Variants in RNF123 observed in about 807,000 individuals in gnomAD.
The protein encoded by RNF123 is ring finger protein 123, also known as E3 ubiquitin-protein ligase RNF123.
Under a neutral mutation model 168.5 loss-of-function variants are expected in RNF123, and 86 were observed. That is an observed-to-expected ratio of 0.51 (90% CI 0.43 to 0.61). The LOEUF is 0.61. Among genes scored for constraint, RNF123 ranks in the 20% least tolerant of loss-of-function variants. RNF123 has a pLI of 0.00. For synonymous variants in RNF123, 666 were observed against 689.1 expected (o/e 0.97, Z 0.52); for missense variants, 1,419 against 1,729.7 (o/e 0.82, Z 3.19).
chr3:49,702,039 C>A (rs528403324), intron 17 of RNF123, 44 bp from the exon 18 acceptor site: 1 of 1,601,604 alleles, frequency 6.2e-7, no homozygotes, highest in Non-Finnish European at 8.5e-7. Flanking sequence ...ACCTGCCCCC[C>A]ATCTCCTGGA....
At chr3:49,712,722 C>G in intron 27 of RNF123, 66 bp downstream of exon 27, 1 of 1,565,836 alleles carries the variant, frequency 6.4e-7, no homozygotes, top group East Asian at 2.2e-5. Context: ...CCTAGGAGCC[C>G]TGGTCTGAGA....
At chr3:49,696,573 G>A (rs113690780) in intron 3 of RNF123, among the ~76,000 whole-genome samples, 4 of 148,866 alleles carry the variant, frequency 2.7e-5, no homozygotes, top group African/African-American at 2.5e-5. Flanking sequence ...TACTGACCTC[G>A]TGATCTGCCC....
intron 21 of RNF123, among the ~76,000 whole-genome samples, chr3:49,704,149 A>G (rs1365190765): frequency 1.3e-5 from 2 of 152,082 alleles, no homozygotes; most frequent in Non-Finnish European, 2.9e-5. Context: ...TTTAGCGGGG[A>G]GCAAGGCCTG....
In RNF123 at chr3:49,697,991, C is replaced by T. The variant is rs765996591; in HGVS notation, c.397+52C>T. 11 of 1,612,910 alleles carry T rather than the reference C, an allele frequency of 6.8e-6. No homozygotes were observed. In the East Asian group the frequency reaches 8.9e-5, roughly 13 times the overall value. Reference sequence around the variant, plus strand: ...GGTAGTGAGGAGAAAGTTTAAGGGCCCAGGCATGAGGCAAGAGGCAGTCTT... The same window carrying T: ...GGTAGTGAGGAGAAAGTTTAAGGGCTCAGGCATGAGGCAAGAGGCAGTCTT... On this transcript the variant is annotated intron_variant, in intron 6 of 38. Coordinates refer to ENST00000327697, the MANE Select transcript of RNF123 (RefSeq NM_022064.5).
At chr3:49,712,135 C>T (rs2080155600) in intron 26 of RNF123, among the ~76,000 whole-genome samples, 1 of 151,730 alleles carries the variant, frequency 6.6e-6, no homozygotes. Flanking sequence ...TGAGGCAAGA[C>T]AATCCCTTGA....
At chr3:49,719,201 C>G in intron 35 of RNF123, 1 of 1,613,302 alleles carries the variant, frequency 6.2e-7, no homozygotes, top group Non-Finnish European at 8.5e-7. Flanking sequence ...AGGTGCAGGG[C>G]GCGCAGCTGG....
At position 49,721,305 on chromosome 3, in the gene RNF123, G is replaced by T; in HGVS notation, c.3945G>T (p.Ter1315TyrextTer13). Residue 1315 changes from the stop codon to tyrosine, a stop_lost, in exon 39 of 39, where the codon TAG becomes TAT. Coordinates refer to ENST00000327697, the MANE Select transcript of RNF123 (RefSeq NM_022064.5). ...CGAGTACTACCTCCTCAGCTGCCTA[G>T]CCCTCACAGCCTGTGCCATCCTGGA... ...ANTSTTSSAA[*>Y] 1 of 1,614,170 alleles carries T rather than the reference G, an allele frequency of 6.2e-7. No individual in the cohort carries two copies. Among genetic ancestry groups the T allele is most frequent in the Non-Finnish European group, 8.5e-7 (1 of 1,180,014 alleles).
At chr3:49,704,378 G>A (rs1457245629) in intron 21 of RNF123, among the ~76,000 whole-genome samples, 1 of 152,174 alleles carries the variant, frequency 6.6e-6, no homozygotes, top group Non-Finnish European at 1.5e-5. Context: ...TTACATCTAT[G>A]TAGAATAAAG....
At chr3:49,700,957 C>T (rs570348215) in intron 15 of RNF123, among the ~76,000 whole-genome samples, 51 of 152,374 alleles carry the variant, frequency 3.3e-4, no homozygotes, top group Non-Finnish European at 5.7e-4. Flanking sequence ...GGAGGGGCCA[C>T]AGGGCCTGCC....
Position 49,698,441 on chromosome 3 carries a change from AG to A in RNF123, c.490del (p.Val164LeufsTer20). The A allele has an allele frequency of 6.2e-7, 1 of 1,613,486 alleles. No individual in the cohort carries two copies. On this transcript the variant is annotated frameshift_variant and splice_region_variant, in exon 8 of 39. Transcript: ENST00000327697. LOFTEE classifies it high-confidence loss of function. ...CTISCRFNQEEGVGDTHNSYA... is the reference protein window; with the variant it reads ...CTISCRFNQEXGVGDTHNSYA... The stretch of plus-strand genomic sequence containing the variant: ...ACCTCATAGGCATTTCCTCCCTAGG[AG>A]GGGGTTGGAGATACACACAACTCCT...
chr3:49,703,369 G>C, intron 20 of RNF123, 58 bp from the exon 21 acceptor site: 1 of 1,404,128 alleles, frequency 7.1e-7, no homozygotes, highest in African/African-American at 1.4e-5. Context: ...GGAGGGCTGT[G>C]GGGAGGGTCT....
Position 49,700,528 on chromosome 3 carries a change from C to G in RNF123, c.1167C>G (p.Tyr389Ter), listed in dbSNP as rs200151379. The G allele has an allele frequency of 6.2e-7, 1 of 1,614,206 alleles. No homozygotes were observed. Among genetic ancestry groups the G allele is most frequent in the Admixed American group, 1.7e-5 (1 of 60,034 alleles). Reference protein sequence around the residue: ...KQLMMSLLRLYRFSPIVPDLG... With the variant: ...KQLMMSLLRL ...TGATGATGTCTCTGCTTCGGCTGTA[C>G]CGATTCTCACCCATTGTCCCAGACC... The change falls in exon 14 of 39, where the codon TAC becomes TAG. Residue 389 changes from tyrosine (Y) to a stop codon, truncating the protein, a stop_gained. Transcript: ENST00000327697. LOFTEE classifies it high-confidence loss of function.
In RNF123 at chr3:49,697,129, C is replaced by T. The variant is rs751354230; in HGVS notation, c.168-14C>T. ...AGGACTTGTGGACCCCTGGCAGCCT[C>T]TCACTCTCCCCAGGAAACCCCTGAA... On this transcript the variant is annotated splice_polypyrimidine_tract_variant and intron_variant, in intron 3 of 38. Coordinates refer to ENST00000327697, the MANE Select transcript of RNF123 (RefSeq NM_022064.5). The T allele has an allele frequency of 6.2e-7, 1 of 1,611,906 alleles. No homozygotes were observed. The highest frequency in any genetic ancestry group is 1.7e-5 in the Admixed American group (1 of 59,988).
chr3:49,698,729 T>G, intron 8 of RNF123, 26 bp from the exon 9 acceptor site: 2 of 1,610,738 alleles, frequency 1.2e-6, no homozygotes, highest in Non-Finnish European at 1.7e-6. Flanking sequence ...CTTCTGTGCA[T>G]CTGGTGAGGC....
At position 49,701,810 on chromosome 3, in the gene RNF123, G is replaced by T; in HGVS notation, c.1396-1G>T. ...GTATTCCACCTGCTACCCCTGCCTA[G>T]GGCAAAGAGAGCACGGAGATGAAGG... On this transcript the variant is annotated splice_acceptor_variant, in intron 16 of 38. Transcript: ENST00000327697. LOFTEE classifies it high-confidence loss of function. 1 of 1,569,670 alleles carries T rather than the reference G, an allele frequency of 6.4e-7. No homozygotes were observed. The highest frequency in any genetic ancestry group is 1.2e-5 in the South Asian group (1 of 85,492).
At chr3:49,704,421 G>A (rs984472113) in intron 21 of RNF123, among the ~76,000 whole-genome samples, 1 of 152,154 alleles carries the variant, frequency 6.6e-6, no homozygotes, top group South Asian at 2.1e-4. Flanking sequence ...AAAAAGAAGG[G>A]TGTGATGGGG....
chr3:49,700,965 G>A (rs910443488), intron 15 of RNF123, among the ~76,000 whole-genome samples: 10 of 152,274 alleles, frequency 6.6e-5, no homozygotes, highest in African/African-American at 2.2e-4. Context: ...CACAGGGCCT[G>A]CCCTCTTCGG....
At chr3:49,719,592 C>G in intron 35 of RNF123, 6 of 811,348 alleles carry the variant, frequency 7.4e-6, no homozygotes, top group Non-Finnish European at 1.9e-6. Flanking sequence ...ACGGCGGGTT[C>G]TTGCCAGCCG....
At position 49,715,630 on chromosome 3, in the gene RNF123, T is replaced by A; in HGVS notation, c.3066T>A (p.Gly1022=). ...ACATGGCGGACCTCCTACAGCAGGG[T>A]CCTGATGTGGCACCCAGCTTCCTCA... The part of the protein sequence containing the change: ...QQHMADLLQQ[G]PDVAPSFLNS... The change falls in exon 32 of 39, where the codon GGT becomes GGA. Residue 1022 remains glycine, a synonymous_variant. Coordinates refer to ENST00000327697, the MANE Select transcript of RNF123 (RefSeq NM_022064.5). 1 of 1,614,098 alleles carries A rather than the reference T, an allele frequency of 6.2e-7. No homozygotes were observed. Among genetic ancestry groups the A allele is most frequent in the South Asian group, 1.1e-5 (1 of 91,084 alleles).
Sources: gnomAD v4.1 joint callset for allele counts (sites outside exome capture counted in the v4.1 genomes callset) on GRCh38, gnomAD v4.1.1 for gene constraint, MANE v1.5 for transcripts, NCBI Gene and HGNC (gene_info 2026-07-23, HGNC 2026-07-21) for gene names.